The following PHACTR2 variants were observed in gnomAD, a reference collection of about 807,000 sequenced individuals.
The protein encoded by PHACTR2 is phosphatase and actin regulator 2.
A neutral mutation model predicts 76.0 loss-of-function variants in PHACTR2; 30 were observed. That is an observed-to-expected ratio of 0.39 (90% CI 0.30 to 0.54). The LOEUF is 0.54. Ranked by LOEUF, PHACTR2 falls within the 20% of genes least tolerant of loss-of-function variation. PHACTR2 has a pLI of 0.61. For synonymous variants in PHACTR2, 292 were observed against 292.5 expected, an observed-to-expected ratio of 1.00 and a Z score of 0.02; for missense variants, 696 against 781.1, an observed-to-expected ratio of 0.89 and a Z score of 1.30.
At chr6:143,668,056 C>G (rs748881319) in intron 1 of PHACTR2, among the ~76,000 whole-genome samples, 12 of 152,130 alleles carry the variant, frequency 7.9e-5, no homozygotes, top group Non-Finnish European at 8.8e-5. Context: ...TACGTTTTAT[C>G]AACACCTAGT....
rs1775772246 is a variant in PHACTR2 at position 143,597,958 on chromosome 6, C to T, written c.217+60751C>T. 6.6e-6 allele frequency among the ~76,000 whole-genome samples: 1 copy of T among 152,136 alleles called. No individual in the cohort carries two copies. Among genetic ancestry groups the T allele is most frequent in the African/African-American group, 2.4e-5 (1 of 41,432 alleles). On this transcript the variant is annotated intron_variant, in intron 1 of 11. Transcript: ENST00000367584. The surrounding 1 kb of genome is among the most constrained non-coding windows in gnomAD (Gnocchi z 5.7). ...TCAGCACGCAAGACTTCAGGTGCAC[C>T]TACGGAAGTAGCGGTGGGGGCTTTG... is the stretch of plus-strand genomic sequence containing the variant.
At chr6:143,812,589 G>T (rs1432725593) in intron 12 of PHACTR2, among the ~76,000 whole-genome samples, 1 of 152,164 alleles carries the variant, frequency 6.6e-6, no homozygotes, top group Non-Finnish European at 1.5e-5. Context: ...TTTCCAGATG[G>T]TGCCCTGGAA....
rs185527798 is a variant in PHACTR2, at chr6:143,755,370, C to T, written c.454+1458C>T. ...GCCTTCTCACATCCAAGAATCGCAT[C>T]CTGCATTACGTAACAGTGCCATCTC... On this transcript the variant is annotated intron_variant, in intron 4 of 12. Transcript: ENST00000440869. This position sits in a 1 kb window ranked among gnomAD's most constrained non-coding sequence, Gnocchi z 5.2. 356 of 456,058 alleles carry T rather than the reference C, an allele frequency of 7.8e-4. 1 individual carries two copies. The highest frequency in any genetic ancestry group is 3.9e-3 in the Middle Eastern group (12 of 3,070). The allele number at this position is 456,058 out of a possible 1,614,324, so 28.3% of individuals were successfully genotyped here. A position where few individuals can be genotyped will look rare whatever the true frequency, so the allele number is the denominator to read the frequency against.
rs371787051 is a variant in PHACTR2 at position 143,751,282 on chromosome 6, T to A, written c.295+2217T>A. Among the ~76,000 whole-genome samples, 2 of 152,184 alleles carry A rather than the reference T, an allele frequency of 1.3e-5. No homozygotes were observed. The highest frequency in any genetic ancestry group is 4.1e-4 in the South Asian group (2 of 4,832). On this transcript the variant is annotated intron_variant, in intron 3 of 12. Transcript: ENST00000440869. This position sits in a 1 kb window ranked among gnomAD's most constrained non-coding sequence, Gnocchi z 5.7. The stretch of plus-strand genomic sequence containing the variant: ...CTCTCCCGGCTATTGTTATTTTTCC[T>A]TTTAGGTTCTCTTATTTACATCCAG...
chr6:143,665,469 T>A (rs543936724), intron 1 of PHACTR2, among the ~76,000 whole-genome samples: 2 of 152,332 alleles, frequency 1.3e-5, no homozygotes, highest in South Asian at 4.1e-4. Flanking sequence ...TAATTTTCTA[T>A]TCCAAATCCA....
chr6:143,694,810 G>T (rs1208615978), intron 1 of PHACTR2, among the ~76,000 whole-genome samples: 4 of 152,172 alleles, frequency 2.6e-5, no homozygotes, highest in African/African-American at 9.7e-5. Flanking sequence ...TTGTATTCTA[G>T]CCCATATGCA....
At chr6:143,716,320 G>A (rs961346691) in intron 2 of PHACTR2, among the ~76,000 whole-genome samples, 6 of 152,056 alleles carry the variant, frequency 3.9e-5, no homozygotes, top group African/African-American at 1.4e-4. Flanking sequence ...TGGGGCAGAT[G>A]GTGTCTGTTA....
chr6:143,714,071 G>T (rs771308645), intron 2 of PHACTR2, among the ~76,000 whole-genome samples: 1 of 152,058 alleles, frequency 6.6e-6, no homozygotes, highest in African/African-American at 2.4e-5. Flanking sequence ...AATTACTTTT[G>T]CACAAAACTA....
chr6:143,677,020 A>C (rs1777261948), upstream of PHACTR2, among the ~76,000 whole-genome samples: 1 of 151,862 alleles, frequency 6.6e-6, no homozygotes, highest in African/African-American at 2.4e-5. Context: ...AAATTAAAAA[A>C]TGAAAGCTGT....
In PHACTR2 at chr6:143,719,265, A is replaced by G. The variant is rs9373399; in HGVS notation, c.214+7082A>G. On this transcript the variant is annotated intron_variant, in intron 2 of 12. Transcript: ENST00000440869. ...TCTTTCCTTTTTCCTAATTTACTGT[A>G]TCAGGGAGAAGTTACGTAACCAGCC... 2.7e-4 allele frequency among the ~76,000 whole-genome samples: 40 copies of G among 148,656 alleles called. No individual in the cohort carries two copies. The East Asian group carries it at 4.1e-3, about 15-fold the overall frequency.
intron 2 of PHACTR2, among the ~76,000 whole-genome samples, chr6:143,721,964 C>A (rs903478607): frequency 6.6e-6 from 1 of 152,154 alleles, no homozygotes; most frequent in Non-Finnish European, 1.5e-5. Flanking sequence ...AACATGGTGA[C>A]TTTTCCAAAA....
Position 143,705,293 on chromosome 6 carries a change from A to ATTTTT in PHACTR2, c.47-6708_47-6704dup, listed in dbSNP as rs142316800. 1.9e-4 allele frequency among the ~76,000 whole-genome samples: 20 copies of ATTTTT among 107,916 alleles called. 1 individual carries two copies. Among genetic ancestry groups the ATTTTT allele is most frequent in the African/African-American group, 7.1e-4 (19 of 26,844 alleles). The allele number at this position is 107,916 out of a possible 152,430, so 70.8% of individuals were successfully genotyped here. On this transcript the variant is annotated intron_variant, in intron 1 of 12. Transcript: ENST00000440869. Reference sequence around the variant, plus strand: ...GCTACAAAGTCTGGCTAATTTTTGCATTTTTTTTTTTTTTTTTTTGAGACG... The same window carrying ATTTTT: ...GCTACAAAGTCTGGCTAATTTTTGCATTTTTTTTTTTTTTTTTTTTTTTTGAGACG...
chr6:143,783,091 T>C lies in PHACTR2; in HGVS notation c.1646-128T>C, dbSNP rs1775470822. 4 of 607,448 alleles carry C rather than the reference T, an allele frequency of 6.6e-6. No homozygotes were observed. In the East Asian group the frequency reaches 1.2e-4, roughly 18 times the overall value. 37.6% of individuals were successfully genotyped at this position (607,448 alleles called of 1,614,324 possible). On this transcript the variant is annotated intron_variant, in intron 9 of 12. Coordinates refer to ENST00000440869, the MANE Select transcript of PHACTR2 (RefSeq NM_001100164.2). The surrounding 1 kb of genome is among the most constrained non-coding windows in gnomAD (Gnocchi z 5.2). ...TTCCTACAAAATATTTTGACAACTT[T>C]TTAACAATGTTGGTTGTGTGTTTGA...
intron 3 of PHACTR2, among the ~76,000 whole-genome samples, chr6:143,752,440 T>C (rs1368903167): frequency 6.6e-6 from 1 of 152,148 alleles, no homozygotes; most frequent in East Asian, 1.9e-4. Flanking sequence ...TTTGTTTTGA[T>C]GTATAGTCTT....
Position 143,598,208 on chromosome 6 carries a change from C to A in PHACTR2, c.217+61001C>A, listed in dbSNP as rs772014274. ...AGGATGTTGACTTAATGATCCTGGG[C>A]GAAATGATCCTACATTATTTGGCTG... is the stretch of plus-strand genomic sequence containing the variant. On this transcript the variant is annotated intron_variant, in intron 1 of 11. Coordinates refer to the PHACTR2 transcript ENST00000367584. The surrounding 1 kb of genome is among the most constrained non-coding windows in gnomAD (Gnocchi z 4.1). Among the ~76,000 whole-genome samples the A allele has an allele frequency of 7.2e-5, 11 of 151,974 alleles. No individual in the cohort carries two copies. Among genetic ancestry groups the A allele is most frequent in the Non-Finnish European group, 1.2e-4 (8 of 68,022 alleles).
intron 1 of PHACTR2, among the ~76,000 whole-genome samples, chr6:143,613,774 A>G (rs543125839): frequency 5.9e-5 from 9 of 152,208 alleles, no homozygotes; most frequent in African/African-American, 9.7e-5. Context: ...GGAATCAGTA[A>G]TCAACATTTT....
At chr6:143,798,010 T>C (rs892307343) in intron 11 of PHACTR2, among the ~76,000 whole-genome samples, 1 of 152,214 alleles carries the variant, frequency 6.6e-6, no homozygotes, top group African/African-American at 2.4e-5. Context: ...TTTCACGATA[T>C]TGATTCTTCC....
At chr6:143,615,280 T>C (rs1156740847) in intron 1 of PHACTR2, among the ~76,000 whole-genome samples, 1 of 152,216 alleles carries the variant, frequency 6.6e-6, no homozygotes, top group Non-Finnish European at 1.5e-5. Context: ...GTTTTACTGC[T>C]TTAAGAGTGG....
rs1204258257 is a variant in PHACTR2 at position 143,783,990 on chromosome 6, A to G, written c.1707+710A>G. On this transcript the variant is annotated intron_variant, in intron 10 of 12. Coordinates refer to ENST00000440869, the MANE Select transcript of PHACTR2 (RefSeq NM_001100164.2). This position sits in a 1 kb window ranked among gnomAD's most constrained non-coding sequence, Gnocchi z 5.2. ...GACAACATAGTGAGACCTTGTTTCAAAAAAAAAGAATTAATTGAAAATTAA... is the reference window on the plus strand; with the variant it reads ...GACAACATAGTGAGACCTTGTTTCAGAAAAAAAGAATTAATTGAAAATTAA... Among the ~76,000 whole-genome samples the G allele has an allele frequency of 6.6e-6, 1 of 151,572 alleles. No homozygotes were observed. Among genetic ancestry groups the G allele is most frequent in the African/African-American group, 2.4e-5 (1 of 41,354 alleles).
Sources: gnomAD v4.1 joint callset for allele counts (sites outside exome capture counted in the v4.1 genomes callset) on GRCh38, gnomAD v4.1.1 for gene constraint, Gnocchi (gnomAD v3.1) non-coding constraint, MANE v1.5 for transcripts, NCBI Gene and HGNC (gene_info 2026-07-23, HGNC 2026-07-21) for gene names.